The following PCDHGA10 variants were observed in gnomAD, a reference collection of about 807,000 sequenced individuals.
PCDHGA10 encodes the protein protocadherin gamma-A10.
A neutral mutation model predicts 59.5 loss-of-function variants in PCDHGA10; 42 were observed. The ratio of observed to expected loss-of-function variants is 0.71; its 90% CI spans 0.55 to 0.91. The LOEUF is 0.91. Among genes scored for constraint, PCDHGA10 ranks in the 40% least tolerant of loss-of-function variants. The probability of loss-of-function intolerance (pLI) is 0.00; values close to 1 mark genes in which losing one functional copy is unlikely to be tolerated. For synonymous variants in PCDHGA10, 511 were observed against 517.2 expected (o/e 0.99, Z 0.16); for missense variants, 1,111 against 1,198.2 (o/e 0.93, Z 1.07).
At chr5:141,433,085 G>A in intron 1 of PCDHGA10, 1 of 1,614,170 alleles carries the variant, frequency 6.2e-7, no homozygotes, top group Non-Finnish European at 8.5e-7. Flanking sequence ...GCCCAACTAT[G>A]CAGACATGCT....
At chr5:141,469,893 A>G (rs2099214569) in intron 1 of PCDHGA10, among the ~76,000 whole-genome samples, 1 of 152,200 alleles carries the variant, frequency 6.6e-6, no homozygotes, top group South Asian at 2.1e-4. Context: ...CACTTTGGGA[A>G]GCCGAGGCAG....
Position 141,420,249 on chromosome 5 carries a change from A to C in PCDHGA10, c.2436+4638A>C. 4 of 1,580,072 alleles carry C rather than the reference A, an allele frequency of 2.5e-6. No homozygotes were observed. In the Admixed American group the frequency reaches 7.3e-5, roughly 29 times the overall value. On this transcript the variant is annotated intron_variant, in intron 1 of 3. Transcript: ENST00000398610. The stretch of plus-strand genomic sequence containing the variant: ...GCTAGCATTTTAACTCCCAGCGTTG[A>C]AGCAGATAAGAAGATTCTTAAACAG...
intron 1 of PCDHGA10, chr5:141,421,710 A>G (rs781498853): frequency 1.2e-6 from 2 of 1,613,940 alleles, no homozygotes; most frequent in South Asian, 2.2e-5. Flanking sequence ...CTAGGGATCC[A>G]GATGTGGGCG....
intron 1 of PCDHGA10, chr5:141,430,769 G>T: frequency 6.6e-7 from 1 of 1,508,212 alleles, no homozygotes; most frequent in Non-Finnish European, 8.9e-7. Context: ...AATGATTCCT[G>T]CGCGACTGCA....
At chr5:141,422,044 G>C in intron 1 of PCDHGA10, 1 of 1,611,530 alleles carries the variant, frequency 6.2e-7, no homozygotes, top group Admixed American at 1.7e-5. Flanking sequence ...TCCAGACGAG[G>C]GAATCAACGG....
intron 1 of PCDHGA10, among the ~76,000 whole-genome samples, chr5:141,492,685 C>T (rs919981996): frequency 1.3e-5 from 2 of 152,242 alleles, no homozygotes; most frequent in African/African-American, 2.4e-5. Context: ...CAAGGGTCGG[C>T]GACCCCTCAA....
At chr5:141,430,991 A>T (rs2097333608) in intron 1 of PCDHGA10, 1 of 1,613,980 alleles carries the variant, frequency 6.2e-7, no homozygotes, top group African/African-American at 1.3e-5. Context: ...TTTCGCCCTG[A>T]ATCCGCGCAG....
At chr5:141,449,979 C>T (rs1382206842) in intron 1 of PCDHGA10, among the ~76,000 whole-genome samples, 1 of 148,862 alleles carries the variant, frequency 6.7e-6, no homozygotes, top group Non-Finnish European at 1.5e-5. Context: ...TCCAAAATAT[C>T]ACACATTGCA....
intron 2 of PCDHGA10, among the ~76,000 whole-genome samples, chr5:141,497,016 C>G (rs1384415729): frequency 6.6e-6 from 1 of 152,056 alleles, no homozygotes; most frequent in East Asian, 1.9e-4. Context: ...TGGTGAAACC[C>G]CATCTCGATT....
At chr5:141,500,184 T>A (rs889800014) in intron 2 of PCDHGA10, among the ~76,000 whole-genome samples, 89 of 135,966 alleles carry the variant, frequency 6.5e-4, no homozygotes, top group African/African-American at 2.4e-3. Flanking sequence ...TCATTTTTAT[T>A]TTTATTTATT....
chr5:141,460,909 G>GGTGT (rs548378036), intron 1 of PCDHGA10, among the ~76,000 whole-genome samples: 1 of 123,246 alleles, frequency 8.1e-6, no homozygotes, highest in African/African-American at 3.7e-5. Flanking sequence ...AATATTCCAT[G>GGTGT]GTGTATATAT....
At chr5:141,423,836 GATA>G (rs752488755) in intron 1 of PCDHGA10, 23 of 1,275,246 alleles carry the variant, frequency 1.8e-5, no homozygotes, top group Non-Finnish European at 2.1e-5. Context: ...ATGAGATTAC[GATA>G]ATCTTTCAGA....
Position 141,415,504 on chromosome 5 carries a change from C to A in PCDHGA10, c.2329C>A (p.Pro777Thr). The A allele has an allele frequency of 1.2e-6, 2 of 1,614,216 alleles. No homozygotes were observed. Among genetic ancestry groups the A allele is most frequent in the Non-Finnish European group, 1.7e-6 (2 of 1,180,036 alleles). ...SRKSHLIFPQ[P>T]NYADTLISQE... is the part of the protein sequence containing the mutation. ...AAAGAGTCACCTGATCTTCCCCCAG[C>A]CCAATTATGCGGACACGCTCATCAG... is the stretch of plus-strand genomic sequence containing the variant. Residue 777 changes from proline (P) to threonine (T), a missense_variant, in exon 1 of 4, where the codon CCC becomes ACC. Pro to Thr is a conservative substitution (Grantham distance 38). Transcript: ENST00000398610.
Position 141,414,124 on chromosome 5 carries a change from G to C in PCDHGA10, c.949G>C (p.Gly317Arg). 6.3e-7 allele frequency: 1 copy of C among 1,592,872 alleles called. No homozygotes were observed. Among genetic ancestry groups the C allele is most frequent in the Non-Finnish European group, 8.6e-7 (1 of 1,169,398 alleles). ...ISENLDYEET[G>R]FYEIEIQAED... is the part of the protein sequence containing the mutation. ...AGAAAATCTAGATTATGAAGAAACC[G>C]GTTTCTATGAAATAGAAATACAAGC... Residue 317 changes from glycine (G) to arginine (R), a missense_variant, in exon 1 of 4, where the codon GGT (glycine) becomes CGT (arginine). Gly to Arg is a moderately radical substitution (Grantham distance 125). Transcript: ENST00000398610.
chr5:141,431,901 A>G lies in PCDHGA10; in HGVS notation c.2436+16290A>G, dbSNP rs1373642371. 5.0e-6 allele frequency: 8 copies of G among 1,613,872 alleles called. No homozygotes were observed. The highest frequency in any genetic ancestry group is 1.6e-4 in the Middle Eastern group (1 of 6,062). On this transcript the variant is annotated intron_variant, in intron 1 of 3. Coordinates refer to ENST00000398610, the MANE Select transcript of PCDHGA10 (RefSeq NM_018913.3). This position sits in a 1 kb window ranked among gnomAD's most constrained non-coding sequence, Gnocchi z 4.8. Reference sequence around the variant, plus strand: ...GACCAAGATTCTGAGGAAAACGGACAGGTGATCTGTTTCATCCAAGGAAAT... The same window carrying G: ...GACCAAGATTCTGAGGAAAACGGACGGGTGATCTGTTTCATCCAAGGAAAT...
Position 141,415,002 on chromosome 5 carries a change from C to T in PCDHGA10, c.1827C>T (p.Ser609=). The T allele has an allele frequency of 1.2e-6, 2 of 1,613,668 alleles. No homozygotes were observed. The highest frequency in any genetic ancestry group is 2.2e-5 in the East Asian group (1 of 44,868). The change falls in exon 1 of 4, where the codon TCC becomes TCT. Residue 609 remains serine, a synonymous_variant. Transcript: ENST00000398610. ...DRDSGQNAWL[S]YRLLKASEPG... The stretch of plus-strand genomic sequence containing the variant: ...ACTCCGGCCAGAACGCCTGGCTGTC[C>T]TACCGTCTGCTCAAGGCCAGCGAGC...
At chr5:141,505,345 G>C (rs776607130) in intron 2 of PCDHGA10, 48 bp from the exon 3 acceptor site, 3 of 1,613,086 alleles carry the variant, frequency 1.9e-6, no homozygotes, top group Non-Finnish European at 2.5e-6. Flanking sequence ...AGGGGCATGA[G>C]CTGTGCCGGC....
chr5:141,441,762 C>T (rs3805697), intron 1 of PCDHGA10: 63,073 of 367,490 alleles, frequency 0.17, 6,544 homozygotes, highest in Admixed American at 0.27. Context: ...CGTGAGCCTG[C>T]GCGTGTTGGT....
intron 1 of PCDHGA10, chr5:141,423,228 C>T (rs1321708353): frequency 6.2e-7 from 1 of 1,613,748 alleles, no homozygotes; most frequent in Non-Finnish European, 8.5e-7. Flanking sequence ...CTGTGGCCGA[C>T]AGCATCCCCG....
Sources: allele counts gnomAD v4.1 joint callset (sites outside exome capture counted in the v4.1 genomes callset), GRCh38; gene constraint gnomAD v4.1.1; non-coding constraint Gnocchi (gnomAD v3.1); transcripts MANE v1.5; gene names NCBI Gene and HGNC (gene_info 2026-07-23, HGNC 2026-07-21).